The following SLC41A1 variants were observed in gnomAD, a reference collection of about 807,000 sequenced individuals.
SLC41A1 encodes solute carrier family 41 member 1.
A neutral mutation model predicts 47.3 loss-of-function variants in SLC41A1; 20 were observed. The ratio of observed to expected loss-of-function variants is 0.42; its 90% confidence interval spans 0.30 to 0.61. SLC41A1 has a LOEUF of 0.61. Among genes scored for constraint, SLC41A1 ranks in the 20% least tolerant of loss-of-function variants. The pLI is 0.17. For missense variants in SLC41A1, 504 were observed against 674.1 expected, an observed-to-expected ratio of 0.75 and a Z score of 2.79; for synonymous variants, 282 against 272.7, an observed-to-expected ratio of 1.03 and a Z score of -0.34.
intron 1 of SLC41A1, among the ~76,000 whole-genome samples, chr1:205,811,679 C>T (rs1192512644): frequency 6.6e-6 from 1 of 152,186 alleles, no homozygotes; most frequent in Admixed American, 6.5e-5. Flanking sequence ...AGGAGGACTC[C>T]CTGGGCAGTG....
chr1:205,798,847 G>C (rs748412352), intron 5 of SLC41A1, 32 bp from the exon 6 acceptor site: 1 of 1,614,130 alleles, frequency 6.2e-7, no homozygotes, highest in Non-Finnish European at 8.5e-7. Context: ...GGGCAGGCAG[G>C]GTGAGAAGAG....
rs932342468 is a variant in SLC41A1, at chr1:205,790,557, C to A, written c.*976G>T. 4.6e-5 allele frequency: 7 copies of A among 152,196 alleles called. No homozygotes were observed. Among genetic ancestry groups the A allele is most frequent in the Non-Finnish European group, 1.5e-5 (1 of 68,058 alleles). 9.4% of individuals were successfully genotyped at this position (152,196 alleles called of 1,614,324 possible). On this transcript the variant is annotated 3_prime_UTR_variant, in exon 11 of 11. Coordinates refer to ENST00000367137, the MANE Select transcript of SLC41A1 (RefSeq NM_173854.6). ...GTCCAAGGTGACCAAGTGATTATGT[C>A]CTCAGGAGAAATGGCAGCAATGAGA...
At position 205,813,101 on chromosome 1, in the gene SLC41A1, A is replaced by ACCGGGGAG; in HGVS notation, c.-948_-941dup. 1 of 985,226 alleles carries ACCGGGGAG rather than the reference A, an allele frequency of 1.0e-6. No individual in the cohort carries two copies. Among genetic ancestry groups the ACCGGGGAG allele is most frequent in the Non-Finnish European group, 1.2e-6 (1 of 829,946 alleles). The allele number at this position is 985,226 out of a possible 1,614,324, so 61.0% of individuals were successfully genotyped here. On this transcript the variant is annotated 5_prime_UTR_variant, in exon 1 of 11. Coordinates refer to ENST00000367137, the MANE Select transcript of SLC41A1 (RefSeq NM_173854.6). Reference sequence around the variant, plus strand: ...CGGCGGGGGGGCACCCGGACGGGGGACCGGGGAGCCGAGCTCACGCGCCCC... The same window carrying ACCGGGGAG: ...CGGCGGGGGGGCACCCGGACGGGGGACCGGGGAGCCGGGGAGCCGAGCTCACGCGCCCC...
At position 205,813,158 on chromosome 1, in the gene SLC41A1, A is replaced by G. The variant is rs920197981; in HGVS notation, c.-997T>C. 1.1e-5 allele frequency: 11 copies of G among 985,248 alleles called. No individual in the cohort carries two copies. Among genetic ancestry groups the G allele is most frequent in the East Asian group, 1.1e-4 (1 of 8,782 alleles). 61.0% of individuals were successfully genotyped at this position (985,248 alleles called of 1,614,324 possible). Reference sequence around the variant, plus strand: ...CTTCTTGCCCGCGGACTCGGGCCCAACTGGTTGGCTGCCGGTGGCAAACGT... The same window carrying G: ...CTTCTTGCCCGCGGACTCGGGCCCAGCTGGTTGGCTGCCGGTGGCAAACGT... On this transcript the variant is annotated 5_prime_UTR_variant, in exon 1 of 11. Transcript: ENST00000367137.
intron 7 of SLC41A1, among the ~76,000 whole-genome samples, chr1:205,797,413 G>A (rs1318852882): frequency 6.6e-6 from 1 of 152,222 alleles, no homozygotes; most frequent in African/African-American, 2.4e-5. Context: ...AGGTGACAAT[G>A]CCTCAATGAT....
At chr1:205,795,174 C>T (rs543135674) in intron 9 of SLC41A1, among the ~76,000 whole-genome samples, 156 bp from the exon 10 acceptor site, 3 of 152,296 alleles carry the variant, frequency 2.0e-5, no homozygotes, top group Middle Eastern at 3.4e-3. Context: ...CCCTAGGGTG[C>T]TCCAGGAAAA....
At chr1:205,793,787 A>G (rs1384633166) in intron 10 of SLC41A1, among the ~76,000 whole-genome samples, 1 of 152,222 alleles carries the variant, frequency 6.6e-6, no homozygotes, top group Non-Finnish European at 1.5e-5. Context: ...AAAAAGAGGA[A>G]GGAAATAAGA....
chr1:205,812,457 A>G (rs1377959019), intron 1 of SLC41A1, among the ~76,000 whole-genome samples: 2 of 152,198 alleles, frequency 1.3e-5, no homozygotes, highest in East Asian at 1.9e-4. Flanking sequence ...TGAGTCCGCT[A>G]AAAGCTGACA....
At chr1:205,800,423 G>A (rs2224) in intron 3 of SLC41A1, among the ~76,000 whole-genome samples, 23,584 of 152,214 alleles carry the variant, frequency 0.15, 2,464 homozygotes, top group African/African-American at 0.3. Context: ...GTTCAGGCCC[G>A]GAATCGTCAC....
intron 10 of SLC41A1, among the ~76,000 whole-genome samples, chr1:205,793,807 G>C (rs1655679130): frequency 6.6e-6 from 1 of 152,072 alleles, no homozygotes; most frequent in Non-Finnish European, 1.5e-5. Flanking sequence ...AAAAATATAT[G>C]TTTACTTTTA....
At chr1:205,796,891 C>G (rs374211507) in intron 8 of SLC41A1, 33 bp downstream of exon 8, 7 of 1,602,526 alleles carry the variant, frequency 4.4e-6, no homozygotes, top group East Asian at 2.2e-5. Flanking sequence ...TTCCCCCAGC[C>G]CTGCCCTCTG....
At chr1:205,795,094 A>G in intron 9 of SLC41A1, 76 bp from the exon 10 acceptor site, 2 of 1,581,944 alleles carry the variant, frequency 1.3e-6, no homozygotes, top group Non-Finnish European at 1.7e-6. Flanking sequence ...CAAAGTCAGG[A>G]GGGACGGCAC....
At chr1:205,806,659 G>C (rs1304447751) in intron 2 of SLC41A1, among the ~76,000 whole-genome samples, 1 of 152,172 alleles carries the variant, frequency 6.6e-6, no homozygotes. Context: ...TTCCCTTCCA[G>C]ATGCTGCAGG....
rs1012965777 is a variant in SLC41A1 at position 205,791,160 on chromosome 1, G to A, written c.*373C>T. On this transcript the variant is annotated 3_prime_UTR_variant, in exon 11 of 11. Coordinates refer to ENST00000367137, the MANE Select transcript of SLC41A1 (RefSeq NM_173854.6). This position sits in a 1 kb window ranked among gnomAD's most constrained non-coding sequence, Gnocchi z 4.0. The stretch of plus-strand genomic sequence containing the variant: ...AAAAGAAAACAAAACCAAAAATCCA[G>A]AGCCCACTTACAAAGGGTTTCTCAT... 9 of 280,740 alleles carry A rather than the reference G, an allele frequency of 3.2e-5. No individual in the cohort carries two copies. Among genetic ancestry groups the A allele is most frequent in the Admixed American group, 4.9e-5 (1 of 20,470 alleles). The allele number at this position is 280,740 out of a possible 1,614,324, so 17.4% of individuals were successfully genotyped here.
chr1:205,794,090 G>T (rs115595420), intron 10 of SLC41A1, among the ~76,000 whole-genome samples: 1 of 152,138 alleles, frequency 6.6e-6, no homozygotes, highest in Non-Finnish European at 1.5e-5. Context: ...TTTGGTTATA[G>T]TGGTGGTCAC....
In SLC41A1 at chr1:205,797,006, A is replaced by G. The variant is rs745631404; in HGVS notation, c.993-3T>C. ...TGTCCAAGATGAGGCCTCCCACACT[A>G]TAGAGACATAAAGACAAAATGACGC... On this transcript the variant is annotated splice_region_variant and splice_polypyrimidine_tract_variant and intron_variant, in intron 7 of 10. Coordinates refer to ENST00000367137, the MANE Select transcript of SLC41A1 (RefSeq NM_173854.6). 5.0e-6 allele frequency: 8 copies of G among 1,601,296 alleles called. No individual in the cohort carries two copies. Among genetic ancestry groups the G allele is most frequent in the East Asian group, 4.5e-5 (2 of 44,470 alleles).
At chr1:205,792,939 CTT>C (rs1272210183) in intron 10 of SLC41A1, among the ~76,000 whole-genome samples, 2 of 142,486 alleles carry the variant, frequency 1.4e-5, no homozygotes, top group African/African-American at 2.7e-5. Flanking sequence ...TGTCCTCTCT[CTT>C]TTTTTTTTTT....
chr1:205,795,682 G>A, intron 8 of SLC41A1: 1 of 650,040 alleles, frequency 1.5e-6, no homozygotes, highest in African/African-American at 1.8e-5. Flanking sequence ...TGCTTCCAGT[G>A]CATCTTCCAG....
At chr1:205,797,731 A>C (rs1321145673) in intron 7 of SLC41A1, among the ~76,000 whole-genome samples, 173 bp downstream of exon 7, 1 of 152,252 alleles carries the variant, frequency 6.6e-6, no homozygotes, top group Non-Finnish European at 1.5e-5. Context: ...TCTGCCTTGG[A>C]ATGAAACCCA....
Sources: gnomAD v4.1 joint callset for allele counts (sites outside exome capture counted in the v4.1 genomes callset) on GRCh38, gnomAD v4.1.1 for gene constraint, Gnocchi (gnomAD v3.1) non-coding constraint, MANE v1.5 for transcripts, NCBI Gene and HGNC (gene_info 2026-07-23, HGNC 2026-07-21) for gene names.